THTPA: variants seen among roughly 807,000 people sequenced by gnomAD.
THTPA encodes thiamine triphosphatase, also known as thiamine-triphosphatase.
In THTPA, 16 loss-of-function variants were observed where a neutral mutation model predicts 16.5. That is an observed-to-expected ratio of 0.97 (90% CI 0.66 to 1.47). THTPA has a LOEUF of 1.47. THTPA is among the 40% of genes most tolerant of loss of function. THTPA has a pLI of 0.00. For synonymous variants in THTPA, 110 were observed against 115.5 expected (o/e 0.95, Z 0.30); for missense variants, 281 against 280.9 (o/e 1.00, Z 0.00).
upstream of THTPA, among the ~76,000 whole-genome samples, chr14:23,555,364 ACT>A (rs1447478026): frequency 6.6e-6 from 1 of 151,826 alleles, no homozygotes; most frequent in Non-Finnish European, 1.5e-5. Context: ...ACCGCTGGAA[ACT>A]CTGACAAACT....
At chr14:23,527,127 T>C in the THTPA span, among the ~76,000 whole-genome samples, 1 of 152,192 alleles carries the variant, frequency 6.6e-6, no homozygotes, top group African/African-American at 2.4e-5. Context: ...ATTGCTGCTT[T>C]TGCTACAGAT....
chr14:23,544,732 C>T, the THTPA span, among the ~76,000 whole-genome samples: 36 of 152,298 alleles, frequency 2.4e-4, no homozygotes, highest in South Asian at 2.9e-3. Flanking sequence ...CCTCTAATGG[C>T]GCTAACCTCA....
the THTPA span, chr14:23,533,902 T>A: frequency 6.5e-7 from 1 of 1,538,028 alleles, no homozygotes; most frequent in Non-Finnish European, 8.7e-7. This position sits in a 1 kb window ranked among gnomAD's most constrained non-coding sequence, Gnocchi z 4.8. Flanking sequence ...CTCAGGGTGC[T>A]TCTCTCGCAT....
At chr14:23,540,498 G>C in the THTPA span, among the ~76,000 whole-genome samples, 1 of 152,200 alleles carries the variant, frequency 6.6e-6, no homozygotes, top group African/African-American at 2.4e-5. Context: ...AGAAGGGGAA[G>C]AGAAACAGGA....
chr14:23,525,388 C>T, the THTPA span: 2 of 1,536,152 alleles, frequency 1.3e-6, no homozygotes, highest in South Asian at 2.4e-5. The surrounding 1 kb of genome is among the most constrained non-coding windows in gnomAD (Gnocchi z 5.9). Context: ...TCTTTCGAAA[C>T]TGAGCAGCAT....
At chr14:23,534,582 C>A in the THTPA span, 1 of 1,536,160 alleles carries the variant, frequency 6.5e-7, no homozygotes. The surrounding 1 kb of genome is among the most constrained non-coding windows in gnomAD (Gnocchi z 4.5). Context: ...AGGCCTGGGG[C>A]TTGCTGAAAC....
rs1414269713 is a variant in THTPA, at chr14:23,559,687, A to G, written c.*847A>G. The stretch of plus-strand genomic sequence containing the variant: ...CTGGTAGCCCTCAGGTGTAGGTTCG[A>G]AGCTGCTGGGGCCCCCTGGGGTTTG... On this transcript the variant is annotated 3_prime_UTR_variant, in exon 2 of 2. Transcript: ENST00000288014. 33 of 1,527,136 alleles carry G rather than the reference A, an allele frequency of 2.2e-5. No individual in the cohort carries two copies. Among genetic ancestry groups the G allele is most frequent in the Non-Finnish European group, 2.9e-5 (32 of 1,109,330 alleles). The allele number at this position is 1,527,136 out of a possible 1,614,324, so 94.6% of individuals were successfully genotyped here.
chr14:23,523,217 G>T, the THTPA span: 1 of 1,430,642 alleles, frequency 7.0e-7, no homozygotes, highest in East Asian at 2.5e-5. This position sits in a 1 kb window ranked among gnomAD's most constrained non-coding sequence, Gnocchi z 4.1. Context: ...ATTGAAAGGA[G>T]CTAAGTTGCC....
chr14:23,521,991 T>C, the THTPA span: 5 of 1,536,234 alleles, frequency 3.3e-6, no homozygotes, highest in African/African-American at 1.4e-5. Flanking sequence ...GAGGTAGTCG[T>C]AGTTTTTGGG....
chr14:23,522,011 G>A, the THTPA span: 92 of 1,536,404 alleles, frequency 6.0e-5, no homozygotes, highest in East Asian at 4.2e-4. Flanking sequence ...GTTGGAGTCC[G>A]TGTGAGGTAA....
At chr14:23,526,213 G>A in the THTPA span, 1 of 1,536,400 alleles carries the variant, frequency 6.5e-7, no homozygotes, top group Non-Finnish European at 8.7e-7. Context: ...GCTTGTCTGT[G>A]GCAGCAGTGG....
the THTPA span, chr14:23,523,679 C>T: frequency 1.9e-6 from 3 of 1,538,898 alleles, no homozygotes; most frequent in Admixed American, 2.0e-5. The surrounding 1 kb of genome is among the most constrained non-coding windows in gnomAD (Gnocchi z 4.1). Context: ...GGTGGGGGTG[C>T]GGTAAGCTTC....
the THTPA span, among the ~76,000 whole-genome samples, chr14:23,536,251 A>G: frequency 9.8e-5 from 15 of 152,306 alleles, no homozygotes; most frequent in African/African-American, 3.1e-4. Context: ...TTTTTGCTCT[A>G]TCTTTAGCAC....
At chr14:23,555,864 C>G (rs1205737535), upstream of THTPA, 1 of 152,288 alleles carries the variant, frequency 6.6e-6, no homozygotes, top group Non-Finnish European at 1.5e-5. Context: ...CCCGACTCTC[C>G]CCGCCGCCTT....
the THTPA span, chr14:23,530,197 G>T: frequency 6.5e-7 from 1 of 1,530,262 alleles, no homozygotes; most frequent in African/African-American, 1.4e-5. Context: ...AGCCTTCCCT[G>T]TGTAGGATGG....
At chr14:23,549,543 TA>T in the THTPA span, among the ~76,000 whole-genome samples, 50 of 150,294 alleles carry the variant, frequency 3.3e-4, no homozygotes, top group Non-Finnish European at 6.1e-4. Flanking sequence ...ACTGCCTCAT[TA>T]AAAAAAAATG....
the THTPA span, among the ~76,000 whole-genome samples, chr14:23,535,872 G>A: frequency 6.6e-6 from 1 of 152,264 alleles, no homozygotes; most frequent in African/African-American, 2.4e-5. This position sits in a 1 kb window ranked among gnomAD's most constrained non-coding sequence, Gnocchi z 4.5. Flanking sequence ...GATTATAGGC[G>A]TGAGCCACCG....
chr14:23,557,929 G>A (rs976211449), intron 1 of THTPA, among the ~76,000 whole-genome samples: 7 of 152,208 alleles, frequency 4.6e-5, no homozygotes, highest in Non-Finnish European at 1.0e-4. Context: ...CAATTACCTA[G>A]ATCCTTTTAA....
the THTPA span, chr14:23,530,162 G>T: frequency 2.0e-6 from 3 of 1,536,096 alleles, no homozygotes; most frequent in Non-Finnish European, 2.6e-6. Context: ...TCAGGGGTGG[G>T]TGGCTCAGCT....
Sources: allele counts gnomAD v4.1 joint callset (sites outside exome capture counted in the v4.1 genomes callset), GRCh38; gene constraint gnomAD v4.1.1; non-coding constraint Gnocchi (gnomAD v3.1); transcripts MANE v1.5; gene names NCBI Gene and HGNC (gene_info 2026-07-23, HGNC 2026-07-21).